The following USP34 variants were observed in gnomAD, a reference collection of about 807,000 sequenced individuals.
USP34 encodes the protein ubiquitin carboxyl-terminal hydrolase 34.
Under a neutral mutation model 460.3 loss-of-function variants are expected in USP34, and 70 were observed. The ratio of observed to expected loss-of-function variants is 0.15; its 90% CI spans 0.13 to 0.19. The LOEUF (loss-of-function observed/expected upper bound fraction) is 0.19. USP34 is among the 10% of genes least tolerant of loss of function. The pLI, the probability that USP34 is intolerant of heterozygous loss-of-function variation, is 1.00. For synonymous variants in USP34, 1,647 were observed against 1,405.3 expected (o/e 1.17, Z -3.85); for missense variants, 3,985 against 4,236.2 (o/e 0.94, Z 1.65).
At chr2:61,337,768 A>G (rs1691468306) in intron 18 of USP34, among the ~76,000 whole-genome samples, 1 of 152,070 alleles carries the variant, frequency 6.6e-6, no homozygotes, top group South Asian at 2.1e-4. Context: ...GTTATTTTCA[A>G]TAGGGCTGCT....
At chr2:61,417,694 A>C (rs1169772929) in intron 2 of USP34, among the ~76,000 whole-genome samples, 1 of 150,078 alleles carries the variant, frequency 6.7e-6, no homozygotes, top group Non-Finnish European at 1.5e-5. Flanking sequence ...AAATAAGAAA[A>C]AATATATATA....
chr2:61,347,922 T>C lies in USP34; in HGVS notation c.2233A>G (p.Ile745Val), dbSNP rs772480906. ...GNELFNCRQFIGPQHHHHHHH... is the reference protein window; with the variant it reads ...GNELFNCRQFVGPQHHHHHHH... ...TGGTGGTGGTGATGCTGTGGACCAA[T>C]AAATTGTCGACAATTAAATAATTCA... The change falls in exon 15 of 80, where the codon ATT becomes GTT. Residue 745 changes from isoleucine (I) to valine (V), a missense_variant. Physicochemically the swap from Ile to Val is conservative, Grantham distance 29. Transcript: ENST00000398571. 6.8e-6 allele frequency: 11 copies of C among 1,613,976 alleles called. No homozygotes were observed. The highest frequency in any genetic ancestry group is 6.7e-5 in the Admixed American group (4 of 60,000).
intron 2 of USP34, chr2:61,417,043 C>T: frequency 7.6e-7 from 1 of 1,315,238 alleles, no homozygotes; most frequent in Non-Finnish European, 1.1e-6. Context: ...GATCTTCTGG[C>T]AGCCGGGGAA....
intron 67 of USP34, among the ~76,000 whole-genome samples, chr2:61,219,379 C>G (rs2103804552): frequency 6.6e-6 from 1 of 152,236 alleles, no homozygotes; most frequent in East Asian, 1.9e-4. Flanking sequence ...TGTTCTGAAT[C>G]CAACATCTGG....
intron 41 of USP34, among the ~76,000 whole-genome samples, chr2:61,267,776 G>A (rs935178734): frequency 6.6e-6 from 1 of 152,068 alleles, no homozygotes; most frequent in Non-Finnish European, 1.5e-5. Flanking sequence ...ACAACACCCG[G>A]TCTTAATTTT....
intron 75 of USP34, among the ~76,000 whole-genome samples, chr2:61,196,102 A>C (rs1468906130): frequency 1.5e-4 from 4 of 27,516 alleles, no homozygotes; most frequent in Non-Finnish European, 1.4e-4. Flanking sequence ...TTTTTTTGAG[A>C]CGGAGTCTCG....
At chr2:61,395,759 C>T (rs1310607707) in intron 3 of USP34, among the ~76,000 whole-genome samples, 1 of 124,584 alleles carries the variant, frequency 8.0e-6, no homozygotes, top group East Asian at 2.3e-4. Flanking sequence ...GCACTCCCGC[C>T]TGGGCGACAG....
Position 61,465,615 on chromosome 2 carries a change from G to A in USP34, c.43+5035C>T, listed in dbSNP as rs553312577. Reference sequence around the variant, plus strand: ...TCCAGTACTTGGGGAGGCTGAGGCAGGAGAATGGCTTCAGACCAGGAGTTT... The same window carrying A: ...TCCAGTACTTGGGGAGGCTGAGGCAAGAGAATGGCTTCAGACCAGGAGTTT... On this transcript the variant is annotated intron_variant, in intron 1 of 79. Coordinates refer to ENST00000398571, the MANE Select transcript of USP34 (RefSeq NM_014709.4). Among the ~76,000 whole-genome samples the A allele has an allele frequency of 2.0e-5, 3 of 152,308 alleles. No individual in the cohort carries two copies. In the East Asian group the frequency reaches 5.8e-4, roughly 29 times the overall value.
At chr2:61,282,374 T>C (rs1558508230) in intron 37 of USP34, among the ~76,000 whole-genome samples, 1 of 152,232 alleles carries the variant, frequency 6.6e-6, no homozygotes, top group Non-Finnish European at 1.5e-5. Context: ...CATAGGAATA[T>C]GAGGTGAGTA....
At chr2:61,268,009 C>T (rs1038838753) in intron 41 of USP34, among the ~76,000 whole-genome samples, 2 of 152,138 alleles carry the variant, frequency 1.3e-5, no homozygotes, top group African/African-American at 4.8e-5. Flanking sequence ...CAGCCTCAGC[C>T]TCCCAAAGTG....
At chr2:61,401,645 T>C (rs2103922568) in intron 3 of USP34, among the ~76,000 whole-genome samples, 1 of 144,166 alleles carries the variant, frequency 6.9e-6, no homozygotes, top group East Asian at 2.1e-4. Context: ...GCCTCCTGGG[T>C]TCATGCCATT....
chr2:61,399,315 C>G (rs752209567), intron 3 of USP34, among the ~76,000 whole-genome samples: 3 of 150,874 alleles, frequency 2.0e-5, no homozygotes, highest in Admixed American at 6.6e-5. Context: ...CGCACTCCAG[C>G]CTGGGCAACA....
chr2:61,327,201 G>C (rs1192640840), intron 20 of USP34, among the ~76,000 whole-genome samples: 2 of 152,186 alleles, frequency 1.3e-5, no homozygotes, highest in East Asian at 3.8e-4. Flanking sequence ...TAAAGCTTAA[G>C]TTTTCTGAAG....
intron 23 of USP34, among the ~76,000 whole-genome samples, chr2:61,316,894 A>G (rs914744618): frequency 1.1e-4 from 16 of 152,224 alleles, no homozygotes; most frequent in Middle Eastern, 3.4e-3. Flanking sequence ...TCAAAAAATA[A>G]TAATAATAAA....
intron 50 of USP34, among the ~76,000 whole-genome samples, chr2:61,245,957 G>A (rs2103869281): frequency 6.6e-6 from 1 of 152,266 alleles, no homozygotes; most frequent in African/African-American, 2.4e-5. Context: ...CCCAATAGGA[G>A]GTGAAACAAG....
intron 74 of USP34, among the ~76,000 whole-genome samples, chr2:61,203,947 G>C (rs1687044219): frequency 6.8e-6 from 1 of 147,018 alleles, no homozygotes; most frequent in East Asian, 2.0e-4. Context: ...AAAAAAAACA[G>C]TACCTAATGA....
At chr2:61,243,582 G>A (rs1291878800) in intron 51 of USP34, among the ~76,000 whole-genome samples, 1 of 143,182 alleles carries the variant, frequency 7.0e-6, no homozygotes, top group Non-Finnish European at 1.5e-5. Context: ...TTTTTTAAAA[G>A]GAAACATTCG....
At chr2:61,435,813 G>C (rs1694796990) in intron 1 of USP34, among the ~76,000 whole-genome samples, 1 of 152,020 alleles carries the variant, frequency 6.6e-6, no homozygotes, top group Non-Finnish European at 1.5e-5. Flanking sequence ...CAGATCACTT[G>C]AGGTCAGGAG....
intron 57 of USP34, among the ~76,000 whole-genome samples, chr2:61,233,422 T>C (rs910811620): frequency 1.3e-5 from 2 of 152,106 alleles, no homozygotes; most frequent in Admixed American, 6.5e-5. Context: ...AACAAACAGA[T>C]GAATGCAAAA....
Sources: allele counts gnomAD v4.1 joint callset (sites outside exome capture counted in the v4.1 genomes callset), GRCh38; gene constraint gnomAD v4.1.1; transcripts MANE v1.5; gene names NCBI Gene and HGNC (gene_info 2026-07-23, HGNC 2026-07-21).